Variants in DLG2 observed in about 807,000 individuals in gnomAD.
The protein encoded by DLG2 is discs large MAGUK scaffold protein 2.
Under a neutral mutation model 132.5 loss-of-function variants are expected in DLG2, and 45 were observed. The ratio of observed to expected loss-of-function variants is 0.34; its 90% CI spans 0.27 to 0.44. The LOEUF is 0.44. Among genes scored for constraint, DLG2 ranks in the 20% least tolerant of loss-of-function variants. DLG2 has a pLI of 1.00. For missense variants in DLG2, 1,045 were observed against 1,196.9 expected, an observed-to-expected ratio of 0.87 and a Z score of 1.87; for synonymous variants, 424 against 419.6, an observed-to-expected ratio of 1.01 and a Z score of -0.13.
intron 19 of DLG2, among the ~76,000 whole-genome samples, chr11:83,616,747 C>T (rs2060876716): frequency 6.6e-6 from 1 of 152,048 alleles, no homozygotes. Context: ...AGTTATTTTT[C>T]AATATTATCT....
intron 6 of DLG2, among the ~76,000 whole-genome samples, chr11:85,102,570 GA>G (rs2071048894): frequency 6.6e-6 from 1 of 151,846 alleles, no homozygotes; most frequent in Non-Finnish European, 1.5e-5. Context: ...AACATCAAAA[GA>G]AACAAACAAA....
intron 6 of DLG2, among the ~76,000 whole-genome samples, chr11:84,784,443 T>C (rs1057245871): frequency 2.0e-5 from 3 of 151,732 alleles, no homozygotes; most frequent in Admixed American, 6.6e-5. Flanking sequence ...CTCTCATTCT[T>C]TGTATTAAGG....
intron 18 of DLG2, among the ~76,000 whole-genome samples, chr11:83,752,728 C>G (rs749648855): frequency 5.1e-5 from 7 of 136,726 alleles, no homozygotes; most frequent in Non-Finnish European, 9.0e-5. Context: ...GGGATTGATT[C>G]AATAGAGAGA....
At chr11:84,593,758 G>A (rs1360079262) in intron 6 of DLG2, among the ~76,000 whole-genome samples, 1 of 152,030 alleles carries the variant, frequency 6.6e-6, no homozygotes, top group Non-Finnish European at 1.5e-5. Flanking sequence ...TAATAAACGT[G>A]CAGGTTCTGC....
chr11:84,438,493 A>AT (rs397974418), intron 7 of DLG2, among the ~76,000 whole-genome samples: 8 of 151,918 alleles, frequency 5.3e-5, no homozygotes, highest in African/African-American at 1.9e-4. Flanking sequence ...AAATAAAAAA[A>AT]CCCAGGTTTT....
chr11:83,823,694 TC>T (rs1257269098), intron 17 of DLG2, among the ~76,000 whole-genome samples: 2 of 151,934 alleles, frequency 1.3e-5, no homozygotes, highest in Non-Finnish European at 2.9e-5. Flanking sequence ...AAACATTTGC[TC>T]AGTAGCTCCG....
At chr11:84,358,820 A>C (rs1259184995) in intron 7 of DLG2, among the ~76,000 whole-genome samples, 1 of 152,032 alleles carries the variant, frequency 6.6e-6, no homozygotes, top group African/African-American at 2.4e-5. Context: ...GCAACCTATC[A>C]GATGTTATTA....
At chr11:83,582,301 G>C (rs115068384) in intron 19 of DLG2, among the ~76,000 whole-genome samples, 6,311 of 152,076 alleles carry the variant, frequency 0.041, 471 homozygotes, top group African/African-American at 0.15. Flanking sequence ...ACTGCCCCTG[G>C]TAATAGTGCT....
At chr11:84,873,229 G>C (rs2085762442) in intron 6 of DLG2, among the ~76,000 whole-genome samples, 1 of 152,146 alleles carries the variant, frequency 6.6e-6, no homozygotes, top group South Asian at 2.1e-4. Context: ...AGTTAGAAAA[G>C]AAGATGTGAT....
chr11:84,036,295 A>G (rs2095861182), intron 11 of DLG2, among the ~76,000 whole-genome samples: 2 of 152,154 alleles, frequency 1.3e-5, no homozygotes, highest in South Asian at 4.1e-4. Context: ...TCTTGGGAGC[A>G]CATTATTGGA....
chr11:83,591,369 A>G (rs1370201989), intron 19 of DLG2, among the ~76,000 whole-genome samples: 19 of 114,592 alleles, frequency 1.7e-4, no homozygotes, highest in Non-Finnish European at 1.8e-5. Flanking sequence ...TCCAGCATAT[A>G]AACAGAGCCA....
chr11:85,627,990 T>G, upstream of DLG2: 1 of 151,932 alleles, frequency 6.6e-6, no homozygotes, highest in Non-Finnish European at 1.5e-5. Context: ...GACAAGTGGG[T>G]CTTCTCGCGG....
rs574389482 is a variant in DLG2 at position 84,269,028 on chromosome 11, G to A, written c.520-17737C>T. On this transcript the variant is annotated intron_variant, in intron 7 of 27. Coordinates refer to ENST00000376104, the MANE Select transcript of DLG2 (RefSeq NM_001142699.3). ...TTATTTCTTTTGTTTTGTTTGTAGTGACTGAGAAAGTATCTACTATTGCTA... is the reference window on the plus strand; with the variant it reads ...TTATTTCTTTTGTTTTGTTTGTAGTAACTGAGAAAGTATCTACTATTGCTA... 1.6e-4 allele frequency among the ~76,000 whole-genome samples: 16 copies of A among 101,526 alleles called. 1 individual carries two copies. The South Asian group carries it at 4.5e-3, about 29-fold the overall frequency. The allele number at this position is 101,526 out of a possible 152,430, so 66.6% of individuals were successfully genotyped here. A position where few individuals can be genotyped will look rare whatever the true frequency, so the allele number is the denominator to read the frequency against.
At chr11:83,472,900 G>T in intron 22 of DLG2, 123 bp from the exon 23 acceptor site, 1 of 784,102 alleles carries the variant, frequency 1.3e-6, no homozygotes. Context: ...CTTTCTCCTT[G>T]AACCATTCAA....
At position 84,189,866 on chromosome 11, in the gene DLG2, T is replaced by C. The variant is rs867382016; in HGVS notation, c.574-26355A>G. On this transcript the variant is annotated intron_variant, in intron 8 of 27. Transcript: ENST00000376104. ...GGAGGGCATCAGGAAGGATAGCTAA[T>C]GGACACTGGGCTTAATACCTAGGTG... Among the ~76,000 whole-genome samples, 191 of 152,112 alleles carry C rather than the reference T, an allele frequency of 1.3e-3. 1 individual carries two copies. The highest frequency in any genetic ancestry group is 4.4e-3 in the African/African-American group (181 of 41,512).
intron 6 of DLG2, among the ~76,000 whole-genome samples, chr11:84,614,788 T>C (rs1476101061): frequency 6.6e-6 from 1 of 152,120 alleles, no homozygotes; most frequent in African/African-American, 2.4e-5. Flanking sequence ...TAACACAAGA[T>C]GTGTCATGAT....
chr11:84,285,121 A>G (rs928447508), intron 7 of DLG2, among the ~76,000 whole-genome samples: 4 of 152,134 alleles, frequency 2.6e-5, no homozygotes, highest in African/African-American at 9.7e-5. Flanking sequence ...TCTCTCCTAA[A>G]TTGAATATCC....
intron 8 of DLG2, among the ~76,000 whole-genome samples, chr11:84,206,525 T>C (rs1269721749): frequency 6.6e-6 from 1 of 151,860 alleles, no homozygotes; most frequent in East Asian, 1.9e-4. Flanking sequence ...TAATAATATA[T>C]AAATAGGATA....
At chr11:84,034,362 T>C (rs1172881027) in intron 11 of DLG2, among the ~76,000 whole-genome samples, 3 of 152,174 alleles carry the variant, frequency 2.0e-5, no homozygotes, top group Non-Finnish European at 4.4e-5. Flanking sequence ...TAAACATAAC[T>C]GTTACATGTA....
Sources: allele counts gnomAD v4.1 joint callset (sites outside exome capture counted in the v4.1 genomes callset), GRCh38; gene constraint gnomAD v4.1.1; transcripts MANE v1.5; gene names NCBI Gene and HGNC (gene_info 2026-07-23, HGNC 2026-07-21).